Variants in CSMD1 observed in about 807,000 individuals in gnomAD.
CSMD1 encodes CUB and sushi domain-containing protein 1.
A neutral mutation model predicts 417.5 loss-of-function variants in CSMD1; 213 were observed. The ratio of observed to expected loss-of-function variants is 0.51; its 90% CI spans 0.46 to 0.57. The LOEUF (loss-of-function observed/expected upper bound fraction) is 0.57, where lower values mean the gene tolerates loss of function less well. Ranked by LOEUF, CSMD1 falls within the 20% of genes least tolerant of loss-of-function variation. The pLI, the probability that CSMD1 is intolerant of heterozygous loss-of-function variation, is 0.00. For synonymous variants in CSMD1, 2,862 were observed against 1,736.8 expected, an observed-to-expected ratio of 1.65 and a Z score of -16.11; for missense variants, 6,923 against 4,529.7, an observed-to-expected ratio of 1.53 and a Z score of -15.17.
chr8:4,778,158 T>C (rs1316307805), intron 1 of CSMD1, among the ~76,000 whole-genome samples: 4 of 152,162 alleles, frequency 2.6e-5, no homozygotes, highest in Non-Finnish European at 5.9e-5. Context: ...ACATTACATA[T>C]AAAACAAATA....
intron 3 of CSMD1, among the ~76,000 whole-genome samples, chr8:4,370,103 G>A (rs990998576): frequency 2.0e-5 from 3 of 151,936 alleles, no homozygotes; most frequent in African/African-American, 7.3e-5. Context: ...TCCATATTTA[G>A]CATGCCTTTT....
intron 3 of CSMD1, among the ~76,000 whole-genome samples, chr8:4,095,211 T>C (rs1800941327): frequency 6.6e-6 from 1 of 152,186 alleles, no homozygotes; most frequent in Non-Finnish European, 1.5e-5. Context: ...GGTTACAACG[T>C]ACTGCCTCTC....
At chr8:4,390,200 TG>T (rs1281005885) in intron 3 of CSMD1, among the ~76,000 whole-genome samples, 4 of 152,220 alleles carry the variant, frequency 2.6e-5, no homozygotes, top group Admixed American at 2.6e-4. Context: ...GGTATAAACA[TG>T]TTTTTGACCA....
At chr8:4,155,550 T>G (rs537059271) in intron 3 of CSMD1, among the ~76,000 whole-genome samples, 3 of 152,196 alleles carry the variant, frequency 2.0e-5, no homozygotes, top group Non-Finnish European at 4.4e-5. Flanking sequence ...TCTTAGGCCA[T>G]GTCTTAGAAC....
At chr8:3,092,760 G>A (rs1815028291) in intron 47 of CSMD1, among the ~76,000 whole-genome samples, 1 of 152,160 alleles carries the variant, frequency 6.6e-6, no homozygotes, top group South Asian at 2.1e-4. Flanking sequence ...AGGAGAAATT[G>A]CTTCATGGCA....
chr8:3,307,701 G>C lies in CSMD1; in HGVS notation c.3944C>G (p.Thr1315Ser), dbSNP rs778847965. Residue 1315 changes from threonine (T) to serine (S), a missense_variant, in exon 25 of 70, where the codon ACC becomes AGC. Physicochemically the swap from Thr to Ser is moderately conservative, Grantham distance 58. Transcript: ENST00000635120. ...ACCAAAATAAAACAAGTACCTAATGGTCTTTCCTGGGTCTGCCTCTATAAT... is the reference window on the plus strand; with the variant it reads ...ACCAAAATAAAACAAGTACCTAATGCTCTTTCCTGGGTCTGCCTCTATAAT... Reference protein sequence around the residue: ...TWIIEADPGKTISLHFIVFDT... With the variant: ...TWIIEADPGKSISLHFIVFDT... 6 of 1,612,974 alleles carry C rather than the reference G, an allele frequency of 3.7e-6. No individual in the cohort carries two copies. Among genetic ancestry groups the C allele is most frequent in the African/African-American group, 2.7e-5 (2 of 74,854 alleles).
At chr8:4,030,111 T>G (rs535356740) in intron 4 of CSMD1, among the ~76,000 whole-genome samples, 1 of 152,202 alleles carries the variant, frequency 6.6e-6, no homozygotes, top group African/African-American at 2.4e-5. Context: ...CTGTTAACTG[T>G]CTGCAGCTTT....
rs1252147181 is a variant in CSMD1, at chr8:3,201,718, A to G, written c.4992T>C (p.Phe1664=). The G allele has an allele frequency of 1.9e-6, 3 of 1,588,080 alleles. No individual in the cohort carries two copies. The highest frequency in any genetic ancestry group is 1.1e-5 in the South Asian group (1 of 87,090). The part of the protein sequence containing the change: ...SITVPKEFVV[F]GQFAYFQTAL... ...CTGTCTGGAAATAGGCAAACTGTCC[A>G]AAGACCACTAAAAAATAAGAGGTGG... Residue 1664 remains phenylalanine (F), a synonymous_variant, in exon 32 of 70, where the codon TTT becomes TTC. Transcript: ENST00000635120.
intron 57 of CSMD1, among the ~76,000 whole-genome samples, chr8:2,971,420 A>G (rs1327623353): frequency 6.6e-6 from 1 of 152,156 alleles, no homozygotes; most frequent in African/African-American, 2.4e-5. Context: ...AACACGGGCA[A>G]GCTGATTTGC....
At chr8:4,336,283 G>C (rs990788979) in intron 3 of CSMD1, among the ~76,000 whole-genome samples, 2 of 152,104 alleles carry the variant, frequency 1.3e-5, no homozygotes, top group African/African-American at 2.4e-5. Context: ...TTTTATGTCA[G>C]AAGCTTTACT....
chr8:3,960,345 C>T (rs1250352708), intron 5 of CSMD1, among the ~76,000 whole-genome samples: 9 of 152,126 alleles, frequency 5.9e-5, no homozygotes, highest in Admixed American at 4.6e-4. Context: ...ATGTAATTGA[C>T]ACCCTTTCCT....
At chr8:4,079,393 T>G (rs1800005388) in intron 3 of CSMD1, among the ~76,000 whole-genome samples, 1 of 152,202 alleles carries the variant, frequency 6.6e-6, no homozygotes, top group Admixed American at 6.5e-5. Flanking sequence ...TATTCAGTTT[T>G]GTCATGTCTA....
intron 5 of CSMD1, among the ~76,000 whole-genome samples, chr8:3,986,805 G>T (rs1277836162): frequency 6.6e-6 from 1 of 152,002 alleles, no homozygotes; most frequent in Non-Finnish European, 1.5e-5. Context: ...GCCCAGGCTG[G>T]AATGCAGTGA....
At chr8:4,635,792 T>C (rs73506861) in intron 2 of CSMD1, among the ~76,000 whole-genome samples, 2,703 of 152,210 alleles carry the variant, frequency 0.018, 72 homozygotes, top group African/African-American at 0.061. Context: ...GTATTGTATA[T>C]GTAGATACTT....
chr8:4,645,084 C>T (rs12056592), intron 1 of CSMD1, among the ~76,000 whole-genome samples: 1 of 152,188 alleles, frequency 6.6e-6, no homozygotes, highest in Non-Finnish European at 1.5e-5. Context: ...TTGCTATTCT[C>T]TCAACCCTGT....
chr8:3,800,302 T>G (rs1800385966), intron 5 of CSMD1, among the ~76,000 whole-genome samples: 2 of 152,168 alleles, frequency 1.3e-5, no homozygotes, highest in Admixed American at 6.5e-5. Flanking sequence ...GAAGTTATAC[T>G]GGGCAAATCA....
intron 10 of CSMD1, among the ~76,000 whole-genome samples, chr8:3,567,754 C>T (rs991346610): frequency 1.3e-5 from 2 of 152,136 alleles, no homozygotes; most frequent in African/African-American, 4.8e-5. Context: ...CCTCTGAGAC[C>T]TCTCTGCCCC....
intron 52 of CSMD1, among the ~76,000 whole-genome samples, chr8:3,016,153 A>C (rs1808808871): frequency 6.6e-6 from 1 of 152,244 alleles, no homozygotes; most frequent in Non-Finnish European, 1.5e-5. Context: ...TGCCATGTGC[A>C]TTTTAAATCA....
intron 52 of CSMD1, among the ~76,000 whole-genome samples, chr8:3,007,981 C>G (rs1233031922): frequency 6.6e-6 from 1 of 151,946 alleles, no homozygotes; most frequent in Non-Finnish European, 1.5e-5. Context: ...TTATAAACTG[C>G]TATTATATTT....
Sources: allele counts gnomAD v4.1 joint callset (sites outside exome capture counted in the v4.1 genomes callset), GRCh38; gene constraint gnomAD v4.1.1; transcripts MANE v1.5; gene names NCBI Gene and HGNC (gene_info 2026-07-23, HGNC 2026-07-21).